The following USP3 variants were observed in gnomAD, a reference collection of about 807,000 sequenced individuals.
USP3 encodes ubiquitin specific peptidase 3, also known as ubiquitin carboxyl-terminal hydrolase 3.
In USP3, 20 loss-of-function variants were observed where a neutral mutation model predicts 72.3. The ratio of observed to expected loss-of-function variants is 0.28; its 90% confidence interval spans 0.19 to 0.40. The LOEUF is 0.40. Among genes scored for constraint, USP3 ranks in the 10% least tolerant of loss-of-function variants. The pLI is 1.00. For missense variants in USP3, 479 were observed against 633.9 expected, an observed-to-expected ratio of 0.76 and a Z score of 2.62; for synonymous variants, 222 against 225.3, an observed-to-expected ratio of 0.99 and a Z score of 0.13.
At chr15:63,547,644 C>T (rs2066349521) in intron 3 of USP3, among the ~76,000 whole-genome samples, 1 of 151,434 alleles carries the variant, frequency 6.6e-6, no homozygotes, top group East Asian at 2.0e-4. Context: ...GCAGGAGGAT[C>T]GCTTGAGTCC....
chr15:63,533,297 C>G (rs531127293), intron 2 of USP3, among the ~76,000 whole-genome samples: 2 of 152,068 alleles, frequency 1.3e-5, no homozygotes, highest in South Asian at 4.1e-4. Context: ...TAAGATATAC[C>G]AAATGTTTCA....
intron 11 of USP3, among the ~76,000 whole-genome samples, chr15:63,581,571 TTGG>T (rs1314421097): frequency 1.0e-4 from 15 of 147,576 alleles, no homozygotes; most frequent in African/African-American, 3.8e-4. Flanking sequence ...TTTTTTTTTT[TTGG>T]ATTTTTGGTA....
chr15:63,583,745 A>G (rs2067004432), intron 11 of USP3, among the ~76,000 whole-genome samples: 1 of 152,080 alleles, frequency 6.6e-6, no homozygotes, highest in African/African-American at 2.4e-5. Context: ...TCCTTTTGTG[A>G]TTGGCTTAAC....
chr15:63,547,542 C>T (rs1330375694), intron 3 of USP3, among the ~76,000 whole-genome samples: 1 of 151,586 alleles, frequency 6.6e-6, no homozygotes, highest in Admixed American at 6.6e-5. Flanking sequence ...CCAGCCAGGG[C>T]AACATAGTGA....
At chr15:63,564,689 G>A (rs1567118434) in intron 8 of USP3, among the ~76,000 whole-genome samples, 1 of 152,202 alleles carries the variant, frequency 6.6e-6, no homozygotes, top group Non-Finnish European at 1.5e-5. Flanking sequence ...GACGAATGTA[G>A]CATGTGGAGT....
chr15:63,567,341 A>ATTTTT (rs1276442905), intron 8 of USP3, among the ~76,000 whole-genome samples: 1 of 119,536 alleles, frequency 8.4e-6, no homozygotes, highest in African/African-American at 3.1e-5. Flanking sequence ...TGCCTGGCTA[A>ATTTTT]TTTTTTTTTT....
At chr15:63,518,172 A>T (rs963042528) in intron 1 of USP3, among the ~76,000 whole-genome samples, 1 of 152,208 alleles carries the variant, frequency 6.6e-6, no homozygotes, top group Non-Finnish European at 1.5e-5. Context: ...ACATTAATCT[A>T]TTTGAATAAA....
chr15:63,564,327 GTTTAA>G (rs1036322651), intron 8 of USP3, among the ~76,000 whole-genome samples: 1 of 149,684 alleles, frequency 6.7e-6, no homozygotes, highest in Admixed American at 6.6e-5. Flanking sequence ...GAAGCGACTT[GTTTAA>G]GTTTATACAT....
At chr15:63,508,230 G>A (rs917721790) in intron 1 of USP3, among the ~76,000 whole-genome samples, 1 of 152,178 alleles carries the variant, frequency 6.6e-6, no homozygotes, top group African/African-American at 2.4e-5. Flanking sequence ...GAACCCACTT[G>A]TGTAAGCTAT....
intron 1 of USP3, among the ~76,000 whole-genome samples, chr15:63,514,911 G>A (rs952010179): frequency 6.6e-6 from 1 of 152,198 alleles, no homozygotes; most frequent in African/African-American, 2.4e-5. Flanking sequence ...AGATCTTGCT[G>A]TATTAAATAA....
intron 1 of USP3, 105 bp downstream of exon 1, chr15:63,504,935 G>A (rs1424917289): frequency 1.1e-6 from 1 of 876,494 alleles, no homozygotes; most frequent in Non-Finnish European, 1.4e-6. Flanking sequence ...TCGGGGAGGG[G>A]CGAGGGCGAG....
chr15:63,571,288 C>G (rs1382949381), intron 9 of USP3, among the ~76,000 whole-genome samples: 1 of 152,148 alleles, frequency 6.6e-6, no homozygotes, highest in Non-Finnish European at 1.5e-5. Flanking sequence ...GACAAACTCC[C>G]CCCAAACAGA....
rs372474619 is a variant in USP3 at position 63,504,718 on chromosome 15, C to G, written c.-22C>G. 53 of 1,589,644 alleles carry G rather than the reference C, an allele frequency of 3.3e-5. No homozygotes were observed. The African/African-American group carries it at 7.2e-4, about 22-fold the overall frequency. On this transcript the variant is annotated 5_prime_UTR_variant, in exon 1 of 15. Coordinates refer to ENST00000380324, the MANE Select transcript of USP3 (RefSeq NM_006537.4). ...CGCCGGGTCCTGGAGCCGCAGTCCT[C>G]CCAGCTGCCCTCCTCGTGGCCATGG...
chr15:63,553,601 G>C lies in USP3; in HGVS notation c.285-114G>C. ...GTCCTCTTTAAACTTACCACCAGCA[G>C]TAACTGCCTGCAGAGCCATGTGATC... is the stretch of plus-strand genomic sequence containing the variant. On this transcript the variant is annotated intron_variant, in intron 3 of 14. Coordinates refer to ENST00000380324, the MANE Select transcript of USP3 (RefSeq NM_006537.4). The surrounding 1 kb of genome is among the most constrained non-coding windows in gnomAD (Gnocchi z 4.2). The C allele has an allele frequency of 6.0e-6, 5 of 826,682 alleles. No homozygotes were observed. The highest frequency in any genetic ancestry group is 8.7e-6 in the Non-Finnish European group (5 of 574,836). The allele number at this position is 826,682 out of a possible 1,614,324, so 51.2% of individuals were successfully genotyped here. A position where few individuals can be genotyped will look rare whatever the true frequency, so the allele number is the denominator to read the frequency against.
chr15:63,563,562 C>T (rs1227708706), intron 8 of USP3, among the ~76,000 whole-genome samples: 1 of 151,562 alleles, frequency 6.6e-6, no homozygotes, highest in Admixed American at 6.6e-5. Flanking sequence ...AAATACACCT[C>T]TGCTGTACAC....
At chr15:63,552,915 AAT>A (rs1173162893) in intron 3 of USP3, among the ~76,000 whole-genome samples, 11 of 152,216 alleles carry the variant, frequency 7.2e-5, no homozygotes, top group African/African-American at 2.4e-4. Flanking sequence ...TATTCAAAAT[AAT>A]ATCTTAGTGC....
At position 63,545,579 on chromosome 15, in the gene USP3, GTTTT is replaced by G. The variant is rs200281421; in HGVS notation, c.285-8130_285-8127del. Reference sequence around the variant, plus strand: ...CCCTAGTACAATTTTCAAGTATTTTGTTTTTTTTTAATGTTCAGTGTACTTACTT... The same window carrying G: ...CCCTAGTACAATTTTCAAGTATTTTGTTTTTAATGTTCAGTGTACTTACTT... On this transcript the variant is annotated intron_variant, in intron 3 of 14. Transcript: ENST00000380324. Among the ~76,000 whole-genome samples, 28 of 148,802 alleles carry G rather than the reference GTTTT, an allele frequency of 1.9e-4. No homozygotes were observed. The East Asian group carries it at 5.5e-3, about 29-fold the overall frequency.
chr15:63,505,246 G>A (rs1692887230), intron 1 of USP3, among the ~76,000 whole-genome samples: 2 of 152,136 alleles, frequency 1.3e-5, no homozygotes, highest in South Asian at 2.1e-4. Context: ...GGCCCGCGCC[G>A]CGCTTCTCCG....
chr15:63,510,354 C>G (rs1315334562), intron 1 of USP3, among the ~76,000 whole-genome samples: 1 of 151,998 alleles, frequency 6.6e-6, no homozygotes, highest in African/African-American at 2.4e-5. Context: ...GAGCTTTTCT[C>G]CCCTTCTTGA....
Sources: gnomAD v4.1 joint callset for allele counts (sites outside exome capture counted in the v4.1 genomes callset) on GRCh38, gnomAD v4.1.1 for gene constraint, Gnocchi (gnomAD v3.1) non-coding constraint, MANE v1.5 for transcripts, NCBI Gene and HGNC (gene_info 2026-07-23, HGNC 2026-07-21) for gene names.